Variants in KIAA1217 observed in about 807,000 individuals in gnomAD.
KIAA1217 encodes sickle tail protein homolog.
In KIAA1217, 88 loss-of-function variants were observed where a neutral mutation model predicts 163.9. The observed-to-expected ratio is 0.54, with a 90% CI of 0.45 to 0.64. The LOEUF (loss-of-function observed/expected upper bound fraction) is 0.64, where lower values mean the gene tolerates loss of function less well. Among genes scored for constraint, KIAA1217 ranks in the 30% least tolerant of loss-of-function variants. The pLI, the probability that KIAA1217 is intolerant of heterozygous loss-of-function variation, is 0.00. For synonymous variants in KIAA1217, 903 were observed against 923.1 expected (o/e 0.98, Z 0.39); for missense variants, 2,372 against 2,475.0 (o/e 0.96, Z 0.88).
In KIAA1217 at chr10:23,695,118, G is replaced by T; in HGVS notation, c.-437G>T. 1 of 152,368 alleles carries T rather than the reference G, an allele frequency of 6.6e-6. No individual in the cohort carries two copies. The allele number at this position is 152,368 out of a possible 1,614,324, so 9.4% of individuals were successfully genotyped here. ...CCGGGAGATACCCCTTCCCCCTCTT[G>T]CGCATTTCGCAGCTGCGCTGGTGTG... On this transcript the variant is annotated 5_prime_UTR_variant, in exon 1 of 19. Transcript: ENST00000376462. The surrounding 1 kb of genome is among the most constrained non-coding windows in gnomAD (Gnocchi z 4.9).
intron 2 of KIAA1217, among the ~76,000 whole-genome samples, chr10:24,110,872 G>A (rs2062819004): frequency 6.6e-6 from 1 of 152,192 alleles, no homozygotes; most frequent in Non-Finnish European, 1.5e-5. Context: ...TTAAAACTGA[G>A]ATAATTTGAT....
At chr10:24,013,847 A>C (rs1375190873) in intron 2 of KIAA1217, among the ~76,000 whole-genome samples, 1 of 152,096 alleles carries the variant, frequency 6.6e-6, no homozygotes, top group Non-Finnish European at 1.5e-5. Flanking sequence ...GAGATATGGA[A>C]GAAGCTGAAG....
chr10:23,965,087 A>G (rs937815245), intron 1 of KIAA1217, among the ~76,000 whole-genome samples: 1 of 152,246 alleles, frequency 6.6e-6, no homozygotes, highest in African/African-American at 2.4e-5. Flanking sequence ...AGCATTTTAA[A>G]TGTTATAAAC....
intron 2 of KIAA1217, among the ~76,000 whole-genome samples, chr10:24,024,078 T>G (rs1847846766): frequency 6.6e-6 from 1 of 151,562 alleles, no homozygotes; most frequent in African/African-American, 2.4e-5. Context: ...CAACCTCAAT[T>G]TATTGTTTTT....
intron 10 of KIAA1217, among the ~76,000 whole-genome samples, chr10:24,513,672 T>A (rs1341950844): frequency 1.3e-5 from 2 of 151,854 alleles, no homozygotes; most frequent in Non-Finnish European, 2.9e-5. Context: ...GCGGCATTGC[T>A]GGGCATGGTA....
At chr10:24,389,617 C>T (rs2054563297) in intron 3 of KIAA1217, among the ~76,000 whole-genome samples, 2 of 152,160 alleles carry the variant, frequency 1.3e-5, no homozygotes, top group Admixed American at 1.3e-4. Flanking sequence ...AGCATTCTCT[C>T]TAGCATCAGA....
Position 24,209,157 on chromosome 10 carries a change from T to G in KIAA1217, c.-37T>G. The G allele has an allele frequency of 1.2e-6, 2 of 1,602,504 alleles. No homozygotes were observed. The highest frequency in any genetic ancestry group is 1.7e-6 in the Non-Finnish European group (2 of 1,169,888). On this transcript the variant is annotated 5_prime_UTR_variant, in exon 1 of 21. Coordinates refer to ENST00000376454, the MANE Select transcript of KIAA1217 (RefSeq NM_019590.5). ...GCTTTTAGAACTGCGCTCTGAAGTT[T>G]CCAGAGAGCGAGGAGCTTTTGCGGC...
rs1446441652 is a variant in KIAA1217, at chr10:23,762,661, A to G, written c.-321+67427A>G. 2.0e-5 allele frequency among the ~76,000 whole-genome samples: 3 copies of G among 152,216 alleles called. No homozygotes were observed. The East Asian group carries it at 5.8e-4, about 29-fold the overall frequency. ...TTATGACAAACCCACAGCCAATATC[A>G]TATTGAATGGGCAAAGGCTGGAAGC... is the stretch of plus-strand genomic sequence containing the variant. On this transcript the variant is annotated intron_variant, in intron 1 of 18. Coordinates refer to the KIAA1217 transcript ENST00000376462.
rs766060944 is a variant in KIAA1217 at position 24,528,062 on chromosome 10, C to T, written c.3025C>T (p.Pro1009Ser). ...MKSIPNLEMP[P>S]ATGPLPRGDA... ...GTCAATACCAAATCTGGAGATGCCG[C>T]CAGCCACAGGCCCACTGCCAAGGGG... is the stretch of plus-strand genomic sequence containing the variant. Residue 1009 changes from proline (P) to serine (S), a missense_variant, in exon 14 of 21, where the codon CCA (proline) becomes TCA (serine). By Grantham distance (74) the Pro-to-Ser change is moderately conservative. Around this residue, in one of 3 missense-constraint regions of KIAA1217, gnomAD observed 1,431 missense variants for 1,470.3 expected, o/e 0.97. Transcript: ENST00000376454. 2 of 1,614,124 alleles carry T rather than the reference C, an allele frequency of 1.2e-6. No homozygotes were observed. The highest frequency in any genetic ancestry group is 1.7e-5 in the Admixed American group (1 of 60,020).
At chr10:23,819,799 G>A (rs910236393) in intron 1 of KIAA1217, among the ~76,000 whole-genome samples, 3 of 152,072 alleles carry the variant, frequency 2.0e-5, no homozygotes, top group Non-Finnish European at 4.4e-5. Flanking sequence ...TGGAGCCTTG[G>A]GAGAAATACC....
chr10:24,293,718 C>G (rs532356806), intron 2 of KIAA1217, among the ~76,000 whole-genome samples: 17 of 152,308 alleles, frequency 1.1e-4, no homozygotes, highest in African/African-American at 4.1e-4. Flanking sequence ...ACTGCATTAT[C>G]AACGGTGTCT....
At chr10:24,214,952 G>A (rs2068626049) in intron 1 of KIAA1217, among the ~76,000 whole-genome samples, 1 of 152,248 alleles carries the variant, frequency 6.6e-6, no homozygotes, top group Non-Finnish European at 1.5e-5. Context: ...AGTAACCCGA[G>A]TTGTGGCAAA....
chr10:24,329,388 T>C lies in KIAA1217; in HGVS notation c.355-51481T>C, dbSNP rs2045369607. ...TCAGTGGAAAATAAGAATTATTTGC[T>C]TATACTTAATTAATACAAAATCTTT... On this transcript the variant is annotated intron_variant, in intron 2 of 20. Transcript: ENST00000376454. Among the ~76,000 whole-genome samples, 3 of 151,880 alleles carry C rather than the reference T, an allele frequency of 2.0e-5. No homozygotes were observed. In the South Asian group the frequency reaches 6.2e-4, roughly 31 times the overall value.
chr10:23,771,089 C>A (rs1834775082), intron 1 of KIAA1217, among the ~76,000 whole-genome samples: 2 of 152,126 alleles, frequency 1.3e-5, no homozygotes, highest in African/African-American at 4.8e-5. Context: ...TGCAATGATG[C>A]CACCAAGAAT....
At chr10:24,441,641 A>G (rs895789971) in intron 5 of KIAA1217, among the ~76,000 whole-genome samples, 2 of 152,012 alleles carry the variant, frequency 1.3e-5, no homozygotes, top group African/African-American at 4.8e-5. Context: ...CTCGGCTGGA[A>G]CTCAGCATAC....
chr10:24,218,489 T>A (rs990650605), intron 1 of KIAA1217, among the ~76,000 whole-genome samples: 1 of 82,544 alleles, frequency 1.2e-5, no homozygotes, highest in Non-Finnish European at 3.3e-5. Flanking sequence ...CGATTGTTAC[T>A]TTTTTTTTTT....
At chr10:24,191,656 G>A (rs1292672969) in intron 2 of KIAA1217, among the ~76,000 whole-genome samples, 1 of 152,198 alleles carries the variant, frequency 6.6e-6, no homozygotes, top group Non-Finnish European at 1.5e-5. Flanking sequence ...GATCAAGCCT[G>A]GAGGCAGTGA....
intron 1 of KIAA1217, among the ~76,000 whole-genome samples, chr10:23,736,997 C>G (rs1438275325): frequency 6.6e-6 from 1 of 152,024 alleles, no homozygotes; most frequent in East Asian, 1.9e-4. Context: ...ATTCAAAGAT[C>G]AATTTGAAAA....
intron 2 of KIAA1217, among the ~76,000 whole-genome samples, chr10:24,355,373 G>C (rs1323114101): frequency 6.6e-6 from 1 of 152,226 alleles, no homozygotes; most frequent in Non-Finnish European, 1.5e-5. Flanking sequence ...CTGGAGGCTA[G>C]AAGTCCAAGA....
Sources: allele counts gnomAD v4.1 joint callset (sites outside exome capture counted in the v4.1 genomes callset), GRCh38; gene constraint gnomAD v4.1.1; regional missense constraint gnomAD v4.1.1; non-coding constraint Gnocchi (gnomAD v3.1); transcripts MANE v1.5; gene names NCBI Gene and HGNC (gene_info 2026-07-23, HGNC 2026-07-21).